The following TTC3 variants were observed in gnomAD, a reference collection of about 807,000 sequenced individuals.
The protein encoded by TTC3 is tetratricopeptide repeat domain 3, also known as E3 ubiquitin-protein ligase TTC3.
In TTC3, 180 loss-of-function variants were observed where a neutral mutation model predicts 249.6. The ratio of observed to expected loss-of-function variants is 0.72; its 90% CI spans 0.64 to 0.82. TTC3 has a LOEUF of 0.82. Among genes scored for constraint, TTC3 ranks in the 40% least tolerant of loss-of-function variants. TTC3 has a pLI of 0.00. For missense variants in TTC3, 2,061 were observed against 2,398.4 expected (o/e 0.86, Z 2.94); for synonymous variants, 717 against 805.0 (o/e 0.89, Z 1.85).
intron 18 of TTC3, among the ~76,000 whole-genome samples, chr21:37,138,112 T>C (rs2078123127): frequency 6.6e-6 from 1 of 152,224 alleles, no homozygotes; most frequent in Non-Finnish European, 1.5e-5. Flanking sequence ...AATAAAGTCT[T>C]AAATTAAGGT....
chr21:37,150,704 T>C, intron 24 of TTC3, 116 bp from the exon 25 acceptor site: 1 of 732,792 alleles, frequency 1.4e-6, no homozygotes, highest in South Asian at 1.6e-5. Context: ...ACATCATCAC[T>C]GTTCTCTATC....
chr21:37,161,104 A>T (rs984419304), intron 30 of TTC3, among the ~76,000 whole-genome samples: 7 of 33,074 alleles, frequency 2.1e-4, no homozygotes, highest in African/African-American at 5.8e-4. Flanking sequence ...ATTTCTGAGT[A>T]AAAAAAAAAA....
At chr21:37,198,448 G>T (rs1376688957) in intron 44 of TTC3, among the ~76,000 whole-genome samples, 1 of 152,136 alleles carries the variant, frequency 6.6e-6, no homozygotes, top group Non-Finnish European at 1.5e-5. Flanking sequence ...TCAATGTGTC[G>T]TGTGGCCACA....
intron 39 of TTC3, among the ~76,000 whole-genome samples, chr21:37,189,716 T>G (rs889642703): frequency 3.9e-5 from 6 of 151,928 alleles, no homozygotes; most frequent in Non-Finnish European, 8.8e-5. Flanking sequence ...CCCAGCTAAC[T>G]TTTTGTATTT....
intron 40 of TTC3, 66 bp downstream of exon 40, chr21:37,191,490 G>C: frequency 1.0e-6 from 1 of 973,772 alleles, no homozygotes; most frequent in Non-Finnish European, 1.5e-6. Flanking sequence ...CGGGAGGCTG[G>C]TGTCATATTG....
intron 10 of TTC3, among the ~76,000 whole-genome samples, chr21:37,107,486 C>G (rs1056781275): frequency 1.7e-4 from 26 of 152,046 alleles, no homozygotes; most frequent in African/African-American, 6.3e-4. Context: ...TGGTATGGAT[C>G]TGTTAGTTCT....
At chr21:37,184,774 T>G (rs554271303) in intron 36 of TTC3, among the ~76,000 whole-genome samples, 1 of 152,244 alleles carries the variant, frequency 6.6e-6, no homozygotes, top group Non-Finnish European at 1.5e-5. Context: ...TGGCCTGCTT[T>G]TTACATTTTC....
chr21:37,182,693 C>T (rs773138639), intron 35 of TTC3, 81 bp from the exon 36 acceptor site: 194 of 1,350,028 alleles, frequency 1.4e-4, no homozygotes, highest in East Asian at 4.6e-4. Context: ...GCTATGGCAC[C>T]GTCACAATTC....
At chr21:37,189,754 G>C (rs1371615131) in intron 39 of TTC3, among the ~76,000 whole-genome samples, 1 of 151,866 alleles carries the variant, frequency 6.6e-6, no homozygotes, top group Non-Finnish European at 1.5e-5. Context: ...CACCATATTA[G>C]CCAGGGTGGT....
At position 37,197,706 on chromosome 21, in the gene TTC3, C is replaced by T. The variant is rs187134782; in HGVS notation, c.5706+10C>T. On this transcript the variant is annotated intron_variant, in intron 43 of 45. Coordinates refer to ENST00000355666, the Ensembl canonical transcript of TTC3. ...ACAGAAAAAGAAAAAGGTATTTTAT[C>T]TAGATGTTCCAGTTTATCCTTATTT... 5.4e-3 allele frequency: 8,589 copies of T among 1,585,342 alleles called. 51 individuals are homozygous for T. The highest frequency in any genetic ancestry group is 0.014 in the South Asian group (1,216 of 86,678).
At chr21:37,183,939 G>A (rs1310123413) in intron 36 of TTC3, among the ~76,000 whole-genome samples, 2 of 152,098 alleles carry the variant, frequency 1.3e-5, no homozygotes, top group African/African-American at 2.4e-5. Context: ...GGGGGGCCAC[G>A]CTACACACTC....
intron 33 of TTC3, 46 bp from the exon 34 acceptor site, chr21:37,167,509 A>G (rs1322239611): frequency 2.8e-6 from 4 of 1,435,212 alleles, no homozygotes; most frequent in Non-Finnish European, 3.9e-6. Flanking sequence ...TTATTTTACT[A>G]GAGCGATTGA....
intron 31 of TTC3, 125 bp from the exon 32 acceptor site, chr21:37,163,926 C>T (rs2081010317): frequency 3.8e-6 from 4 of 1,055,686 alleles, no homozygotes; most frequent in Non-Finnish European, 3.9e-6. Context: ...TATTTTTTTG[C>T]AACATAGAGC....
At chr21:37,136,263 T>G (rs1270132720) in intron 18 of TTC3, among the ~76,000 whole-genome samples, 1 of 152,162 alleles carries the variant, frequency 6.6e-6, no homozygotes, top group Admixed American at 6.5e-5. Context: ...TCTCTCACTT[T>G]AAATAAAAAA....
chr21:37,166,654 T>C, intron 33 of TTC3, 39 bp downstream of exon 33: 3 of 1,531,702 alleles, frequency 2.0e-6, no homozygotes, highest in Non-Finnish European at 2.6e-6. Context: ...ATACTGAAGT[T>C]AAATTTTCCT....
At chr21:37,087,225 T>A in intron 1 of TTC3, 22 bp from the exon 2 acceptor site, 3 of 1,606,332 alleles carry the variant, frequency 1.9e-6, no homozygotes, top group Non-Finnish European at 2.5e-6. Context: ...ATTACTGACT[T>A]GAGTTTGTGT....
chr21:37,121,915 T>C, exon 12 of TTC3: 1 of 1,613,194 alleles, frequency 6.2e-7, no homozygotes, highest in Non-Finnish European at 8.5e-7. Context: ...AAAATGACCC[T>C]GAGGGAATCA....
chr21:37,188,381 A>G, intron 38 of TTC3, 114 bp from the exon 39 acceptor site: 2 of 695,378 alleles, frequency 2.9e-6, no homozygotes, highest in South Asian at 1.9e-5. Context: ...TGATTCTGTC[A>G]TGCTTCATTT....
intron 15 of TTC3, 138 bp downstream of exon 15, chr21:37,126,281 T>G (rs2077039567): frequency 1.8e-6 from 1 of 566,946 alleles, no homozygotes; most frequent in Non-Finnish European, 2.9e-6. Flanking sequence ...GTTAAGAAAA[T>G]ATTGAATATT....
Sources: gnomAD v4.1 joint callset for allele counts (sites outside exome capture counted in the v4.1 genomes callset) on GRCh38, gnomAD v4.1.1 for gene constraint, MANE v1.5 for transcripts, NCBI Gene and HGNC (gene_info 2026-07-23, HGNC 2026-07-21) for gene names.